The following MAGI2 variants were observed in gnomAD, a reference collection of about 807,000 sequenced individuals.
MAGI2 encodes the protein membrane associated guanylate kinase, WW and PDZ domain containing 2.
Under a neutral mutation model 133.3 loss-of-function variants are expected in MAGI2, and 35 were observed. The ratio of observed to expected loss-of-function variants is 0.26; its 90% CI spans 0.20 to 0.35. The LOEUF (loss-of-function observed/expected upper bound fraction) is 0.35. MAGI2 is among the 10% of genes least tolerant of loss of function. The pLI, the probability that MAGI2 is intolerant of heterozygous loss-of-function variation, is 1.00. For synonymous variants in MAGI2, 729 were observed against 710.6 expected, an observed-to-expected ratio of 1.03 and a Z score of -0.41; for missense variants, 1,636 against 1,863.4, an observed-to-expected ratio of 0.88 and a Z score of 2.25.
chr7:78,942,677 T>C lies in MAGI2; in HGVS notation c.418+64413A>G, dbSNP rs1468714423. 2.0e-5 allele frequency among the ~76,000 whole-genome samples: 3 copies of C among 152,134 alleles called. No individual in the cohort carries two copies. In the East Asian group the frequency reaches 5.8e-4, roughly 29 times the overall value. On this transcript the variant is annotated intron_variant, in intron 2 of 21. Coordinates refer to ENST00000354212, the MANE Select transcript of MAGI2 (RefSeq NM_012301.4). ...GGAAACTCAGTTTTTATTTTTCCTT[T>C]TTGTAAAGTGGCACAAAATATAACT... is the stretch of plus-strand genomic sequence containing the variant.
At chr7:79,096,565 G>A (rs73369327) in intron 1 of MAGI2, among the ~76,000 whole-genome samples, 1,950 of 152,194 alleles carry the variant, frequency 0.013, 46 homozygotes, top group African/African-American at 0.044. Context: ...AAGTTCTGAT[G>A]AATACACAGA....
intron 2 of MAGI2, among the ~76,000 whole-genome samples, chr7:78,692,303 T>C (rs905252106): frequency 6.6e-6 from 1 of 152,194 alleles, no homozygotes; most frequent in African/African-American, 2.4e-5. Context: ...CTGAATGGTA[T>C]TTATACTGCA....
chr7:78,959,212 A>G (rs1433876952), intron 2 of MAGI2, among the ~76,000 whole-genome samples: 1 of 152,176 alleles, frequency 6.6e-6, no homozygotes, highest in African/African-American at 2.4e-5. Flanking sequence ...TAGGCAACTC[A>G]GCTTCACCAC....
intron 6 of MAGI2, among the ~76,000 whole-genome samples, chr7:78,401,985 C>T (rs1400449164): frequency 6.6e-6 from 1 of 152,018 alleles, no homozygotes; most frequent in Non-Finnish European, 1.5e-5. Flanking sequence ...CCTATTCAAC[C>T]TCTAGAGTGC....
At chr7:79,166,129 G>T (rs1372619968) in intron 1 of MAGI2, among the ~76,000 whole-genome samples, 2 of 152,066 alleles carry the variant, frequency 1.3e-5, no homozygotes, top group Non-Finnish European at 2.9e-5. Context: ...TTTGCATGTG[G>T]TAGGCAGAAC....
intron 2 of MAGI2, among the ~76,000 whole-genome samples, chr7:78,729,940 T>C (rs1270777358): frequency 1.3e-5 from 2 of 152,134 alleles, no homozygotes. Context: ...TTAGAACTTC[T>C]GAGTTTGAGG....
At chr7:78,070,126 C>CACACACACACAT (rs3084738) in intron 21 of MAGI2, among the ~76,000 whole-genome samples, 5,184 of 136,232 alleles carry the variant, frequency 0.038, 167 homozygotes, top group Middle Eastern at 0.064. Context: ...CACACACACA[C>CACACACACACAT]ATATATGTGT....
intron 10 of MAGI2, among the ~76,000 whole-genome samples, chr7:78,218,604 A>C (rs1788497444): frequency 6.6e-6 from 1 of 151,414 alleles, no homozygotes; most frequent in Non-Finnish European, 1.5e-5. Context: ...TCACTTAACA[A>C]AGAAGCCTGC....
At chr7:78,828,730 G>C (rs1437067397) in intron 2 of MAGI2, among the ~76,000 whole-genome samples, 2 of 152,102 alleles carry the variant, frequency 1.3e-5, no homozygotes, top group African/African-American at 4.8e-5. Context: ...AAAGAAAGTA[G>C]GTGAGTGGTG....
chr7:78,031,068 G>C (rs993146907), intron 21 of MAGI2, among the ~76,000 whole-genome samples: 1 of 152,234 alleles, frequency 6.6e-6, no homozygotes, highest in Non-Finnish European at 1.5e-5. Context: ...CTCAACGTGA[G>C]TGAATTTCAG....
At chr7:78,934,745 G>T (rs1458466613) in intron 2 of MAGI2, among the ~76,000 whole-genome samples, 2 of 152,022 alleles carry the variant, frequency 1.3e-5, no homozygotes, top group Non-Finnish European at 2.9e-5. Flanking sequence ...TCCACAATCT[G>T]AAAAAATTTG....
chr7:78,803,171 T>C (rs1254690864), intron 2 of MAGI2, among the ~76,000 whole-genome samples: 4 of 152,294 alleles, frequency 2.6e-5, no homozygotes, highest in African/African-American at 9.6e-5. Flanking sequence ...AATTAAACAC[T>C]AGTATATTAT....
At chr7:78,469,513 T>G (rs999142299) in intron 6 of MAGI2, among the ~76,000 whole-genome samples, 3 of 152,146 alleles carry the variant, frequency 2.0e-5, no homozygotes, top group Admixed American at 2.0e-4. Context: ...TAGTCCATAC[T>G]AATGAGACAG....
At chr7:79,395,713 A>ATAT (rs1160592306) in intron 1 of MAGI2, among the ~76,000 whole-genome samples, 2 of 152,226 alleles carry the variant, frequency 1.3e-5, no homozygotes, top group African/African-American at 4.8e-5. Context: ...TCTGCAGAAC[A>ATAT]TATAGATACA....
At chr7:78,185,388 T>A (rs1356989492) in intron 13 of MAGI2, 4 of 354,244 alleles carry the variant, frequency 1.1e-5, no homozygotes, top group African/African-American at 6.3e-5. Context: ...ATCCAGCCTT[T>A]TACTAGAGTA....
At chr7:78,128,703 G>T (rs1189271028) in intron 18 of MAGI2, among the ~76,000 whole-genome samples, 1 of 152,090 alleles carries the variant, frequency 6.6e-6, no homozygotes, top group Non-Finnish European at 1.5e-5. Flanking sequence ...AAAGTGCATG[G>T]CAATAGATGT....
intron 1 of MAGI2, chr7:79,414,157 G>A (rs2190178): frequency 1.3e-5 from 2 of 151,934 alleles, no homozygotes; most frequent in East Asian, 1.9e-4. Context: ...AACAATCACC[G>A]TGTCTTAAAG....
At chr7:78,543,456 T>A (rs1307175029) in intron 3 of MAGI2, among the ~76,000 whole-genome samples, 1 of 152,184 alleles carries the variant, frequency 6.6e-6, no homozygotes, top group African/African-American at 2.4e-5. Context: ...ACATCATTTT[T>A]AAAAAAGGTA....
chr7:79,180,060 C>T (rs187770805), intron 1 of MAGI2, among the ~76,000 whole-genome samples: 34 of 151,988 alleles, frequency 2.2e-4, no homozygotes, highest in African/African-American at 7.5e-4. Flanking sequence ...ATACAGGAAA[C>T]TCAACAGATG....
Sources: allele counts gnomAD v4.1 joint callset (sites outside exome capture counted in the v4.1 genomes callset), GRCh38; gene constraint gnomAD v4.1.1; transcripts MANE v1.5; gene names NCBI Gene and HGNC (gene_info 2026-07-23, HGNC 2026-07-21).